FGF14: variants seen among roughly 807,000 people sequenced by gnomAD.
FGF14 encodes the protein fibroblast growth factor homologous factor 4.
Under a neutral mutation model 25.5 loss-of-function variants are expected in FGF14, and 5 were observed. The observed-to-expected ratio is 0.20, with a 90% confidence interval of 0.10 to 0.41. The LOEUF (loss-of-function observed/expected upper bound fraction) is 0.41. Among genes scored for constraint, FGF14 ranks in the 10% least tolerant of loss-of-function variants. FGF14 has a pLI of 1.00. For synonymous variants in FGF14, 138 were observed against 118.3 expected, an observed-to-expected ratio of 1.17 and a Z score of -1.08; for missense variants, 222 against 320.1, an observed-to-expected ratio of 0.69 and a Z score of 2.34.
At chr13:102,253,801 G>A (rs1329737067) in intron 1 of FGF14, among the ~76,000 whole-genome samples, 1 of 152,210 alleles carries the variant, frequency 6.6e-6, no homozygotes. Flanking sequence ...GGCTGGAGGT[G>A]AAAGAACTGT....
At chr13:102,193,105 G>A (rs979229490) in intron 1 of FGF14, among the ~76,000 whole-genome samples, 1 of 152,054 alleles carries the variant, frequency 6.6e-6, no homozygotes, top group Non-Finnish European at 1.5e-5. Flanking sequence ...GTCTTCTTGG[G>A]CTTCCATAAT....
chr13:102,012,198 G>A (rs1218174781), intron 1 of FGF14, among the ~76,000 whole-genome samples: 1 of 152,154 alleles, frequency 6.6e-6, no homozygotes, highest in Non-Finnish European at 1.5e-5. Context: ...GGACAGAAGA[G>A]AAGGAGGGGC....
rs1566764595 is a variant in FGF14, at chr13:102,161,624, A to AG, written c.208+239846dup. ...AAGAAGAAGAAGAAGAAGAAGAAGA[A>AG]GAAGAAGAAGAAGAAGAAGAAGAAG... On this transcript the variant is annotated intron_variant, in intron 1 of 4. Coordinates refer to the FGF14 transcript ENST00000376131. Among the ~76,000 whole-genome samples, 23 of 17,496 alleles carry AG rather than the reference A, an allele frequency of 1.3e-3. 1 individual carries two copies. The highest frequency in any genetic ancestry group is 8.4e-4 in the Non-Finnish European group (9 of 10,692). The allele number at this position is 17,496 out of a possible 152,430, so 11.5% of individuals were successfully genotyped here.
At position 101,848,676 on chromosome 13, in the gene FGF14, G is replaced by T. The variant is rs1368240877; in HGVS notation, c.408+20049C>A. ...TAATAGTCAAACTAATTCTCAAATG[G>T]TTTGAGAAAATAGTACTAATATAAA... is the stretch of plus-strand genomic sequence containing the variant. On this transcript the variant is annotated intron_variant, in intron 3 of 4. Coordinates refer to ENST00000376143, the MANE Select transcript of FGF14 (RefSeq NM_004115.4). Among the ~76,000 whole-genome samples, 7 of 152,082 alleles carry T rather than the reference G, an allele frequency of 4.6e-5. No individual in the cohort carries two copies. In the East Asian group the frequency reaches 1.4e-3, roughly 30 times the overall value.
intron 1 of FGF14, among the ~76,000 whole-genome samples, chr13:102,156,187 C>T (rs1285305386): frequency 6.6e-6 from 1 of 152,106 alleles, no homozygotes; most frequent in Non-Finnish European, 1.5e-5. Flanking sequence ...GATACCAAAG[C>T]CGGGCAGAGA....
intron 1 of FGF14, among the ~76,000 whole-genome samples, chr13:101,981,493 A>T (rs2038261795): frequency 6.6e-6 from 1 of 152,194 alleles, no homozygotes; most frequent in South Asian, 2.1e-4. Flanking sequence ...TTGTTATAGC[A>T]GCCCACATAG....
chr13:102,297,589 G>A (rs1420104618), intron 1 of FGF14, among the ~76,000 whole-genome samples: 1 of 151,902 alleles, frequency 6.6e-6, no homozygotes, highest in African/African-American at 2.4e-5. Context: ...GAAATAAAAG[G>A]TTTATTACAA....
At position 101,844,570 on chromosome 13, in the gene FGF14, C is replaced by G. The variant is rs187475838; in HGVS notation, c.408+24155G>C. Among the ~76,000 whole-genome samples the G allele has an allele frequency of 1.2e-3, 183 of 151,986 alleles. 2 individuals carry two copies. The highest frequency in any genetic ancestry group is 4.2e-3 in the African/African-American group (174 of 41,480). On this transcript the variant is annotated intron_variant, in intron 3 of 4. Coordinates refer to ENST00000376143, the MANE Select transcript of FGF14 (RefSeq NM_004115.4). ...TTTATTTTCTTTTTACCCTCTCATC[C>G]CTTGCAGAACAGAACCACCGATTTT... is the stretch of plus-strand genomic sequence containing the variant.
chr13:102,176,811 G>A (rs2048468587), intron 1 of FGF14, among the ~76,000 whole-genome samples: 1 of 152,104 alleles, frequency 6.6e-6, no homozygotes. Flanking sequence ...ATGGTTTCAT[G>A]CGTAAATGCA....
rs369488243 is a variant in FGF14, at chr13:102,069,784, G to T, written c.209-194488C>A. ...GCTGTAACACTCACTGCGAGGGTCTGCGGCTTCATTCTTGAAGTCAGTGAG... is the reference window on the plus strand; with the variant it reads ...GCTGTAACACTCACTGCGAGGGTCTTCGGCTTCATTCTTGAAGTCAGTGAG... On this transcript the variant is annotated intron_variant, in intron 1 of 4. Transcript: ENST00000376131. Among the ~76,000 whole-genome samples, 31 of 142,366 alleles carry T rather than the reference G, an allele frequency of 2.2e-4. No homozygotes were observed. In the East Asian group the frequency reaches 5.4e-3, roughly 25 times the overall value. 93.4% of individuals were successfully genotyped at this position (142,366 alleles called of 152,430 possible).
At chr13:101,841,577 CAT>C (rs1428737828) in intron 3 of FGF14, among the ~76,000 whole-genome samples, 1 of 151,980 alleles carries the variant, frequency 6.6e-6, no homozygotes, top group African/African-American at 2.4e-5. Context: ...TCTCAGAAGT[CAT>C]AAAACCTAAG....
At chr13:102,324,921 G>T (rs1436417797) in intron 1 of FGF14, among the ~76,000 whole-genome samples, 1 of 150,008 alleles carries the variant, frequency 6.7e-6, no homozygotes, top group Non-Finnish European at 1.5e-5. Flanking sequence ...ATTGATATTT[G>T]TTTTTTTTTG....
chr13:101,780,368 T>C (rs959755711), intron 3 of FGF14, among the ~76,000 whole-genome samples: 1 of 152,184 alleles, frequency 6.6e-6, no homozygotes, highest in East Asian at 1.9e-4. Context: ...GCTGATTTTA[T>C]AATTTTCCAC....
chr13:102,214,672 A>C (rs1308142608), intron 1 of FGF14, among the ~76,000 whole-genome samples: 1 of 152,172 alleles, frequency 6.6e-6, no homozygotes, highest in African/African-American at 2.4e-5. Context: ...ATTATGTATA[A>C]TTTATATTTC....
At chr13:101,737,677 AT>A (rs1481717294) in intron 3 of FGF14, among the ~76,000 whole-genome samples, 31 of 152,288 alleles carry the variant, frequency 2.0e-4, no homozygotes, top group African/African-American at 7.5e-4. Context: ...AGTTGTTTTC[AT>A]CACATTTTTC....
chr13:102,193,036 C>G (rs570150067), intron 1 of FGF14, among the ~76,000 whole-genome samples: 1 of 152,182 alleles, frequency 6.6e-6, no homozygotes, highest in Non-Finnish European at 1.5e-5. Context: ...AAGCCACTTA[C>G]GCATGTTTAG....
intron 1 of FGF14, among the ~76,000 whole-genome samples, chr13:102,306,664 T>C (rs1036464981): frequency 4.1e-4 from 62 of 152,138 alleles, no homozygotes. Flanking sequence ...CACATAAGTA[T>C]TTCTCAAGGG....
intron 1 of FGF14, among the ~76,000 whole-genome samples, chr13:102,061,682 C>G (rs145956136): frequency 0.014 from 2,059 of 152,276 alleles, 42 homozygotes; most frequent in African/African-American, 0.044. Flanking sequence ...GTGATTGCCT[C>G]ATGAATAGAA....
chr13:102,056,379 T>C (rs1049160487), intron 1 of FGF14, among the ~76,000 whole-genome samples: 7 of 152,238 alleles, frequency 4.6e-5, no homozygotes, highest in Non-Finnish European at 1.0e-4. Context: ...GTCCAATTGG[T>C]GCAAGAGTTT....
Sources: allele counts gnomAD v4.1 joint callset (sites outside exome capture counted in the v4.1 genomes callset), GRCh38; gene constraint gnomAD v4.1.1; transcripts MANE v1.5; gene names NCBI Gene and HGNC (gene_info 2026-07-23, HGNC 2026-07-21).